The following DAPK2 variants were observed in gnomAD, a reference collection of about 807,000 sequenced individuals.
DAPK2 encodes the protein death associated protein kinase 2, also known as death-associated protein kinase 2.
A neutral mutation model predicts 44.1 loss-of-function variants in DAPK2; 35 were observed. The observed-to-expected ratio is 0.79, with a 90% confidence interval of 0.61 to 1.05. The LOEUF is 1.05. Ranked by LOEUF, DAPK2 falls within the 50% of genes least tolerant of loss-of-function variation. The pLI, the probability that DAPK2 is intolerant of heterozygous loss-of-function variation, is 0.00. For synonymous variants in DAPK2, 174 were observed against 182.6 expected, an observed-to-expected ratio of 0.95 and a Z score of 0.38; for missense variants, 453 against 483.2, an observed-to-expected ratio of 0.94 and a Z score of 0.59.
At chr15:64,038,839 G>T (rs2080281806) in intron 1 of DAPK2, among the ~76,000 whole-genome samples, 1 of 152,178 alleles carries the variant, frequency 6.6e-6, no homozygotes, top group African/African-American at 2.4e-5. Flanking sequence ...AAGTCAAGCT[G>T]GGAACTGCTT....
intron 3 of DAPK2, among the ~76,000 whole-genome samples, chr15:63,959,987 A>G (rs1307224024): frequency 6.6e-6 from 1 of 152,140 alleles, no homozygotes; most frequent in Non-Finnish European, 1.5e-5. Flanking sequence ...CTGGTCCTGG[A>G]CATTTTTTGG....
chr15:63,965,907 T>C (rs1303921471), intron 3 of DAPK2, among the ~76,000 whole-genome samples: 1 of 152,190 alleles, frequency 6.6e-6, no homozygotes, highest in Non-Finnish European at 1.5e-5. Context: ...AGCCAAGGCC[T>C]GAAATTGGAA....
rs1015085787 is a variant in DAPK2 at position 63,939,013 on chromosome 15, CA to C, written c.583+218del. The stretch of plus-strand genomic sequence containing the variant: ...AGCCCCACTGAGAGCCACTGGGCCC[CA>C]CTCAGCCCTTGCCTCACTGAGCACT... On this transcript the variant is annotated intron_variant, in intron 4 of 10. Transcript: ENST00000261891. The surrounding 1 kb of genome is among the most constrained non-coding windows in gnomAD (Gnocchi z 4.3). Among the ~76,000 whole-genome samples the C allele has an allele frequency of 5.3e-5, 8 of 152,294 alleles. No homozygotes were observed. Among genetic ancestry groups the C allele is most frequent in the Admixed American group, 3.3e-4 (5 of 15,298 alleles).
chr15:63,923,372 A>G lies in DAPK2; in HGVS notation c.858+1444T>C, dbSNP rs183666733. ...GTGGGTGTTCAGACAGAAGAATCAG[A>G]GTGTTAATTTGCCGCCCACCCCAGA... On this transcript the variant is annotated intron_variant, in intron 8 of 10. Coordinates refer to ENST00000261891, the Ensembl canonical transcript of DAPK2. This position sits in a 1 kb window ranked among gnomAD's most constrained non-coding sequence, Gnocchi z 4.2. 4.1e-5 allele frequency: 63 copies of G among 1,525,490 alleles called. No homozygotes were observed. The African/African-American group carries it at 8.0e-4, about 19-fold the overall frequency. 94.5% of individuals were successfully genotyped at this position (1,525,490 alleles called of 1,614,324 possible).
intron 8 of DAPK2, 84 bp downstream of exon 9, chr15:63,924,732 G>T: frequency 6.8e-7 from 1 of 1,471,660 alleles, no homozygotes; most frequent in Non-Finnish European, 9.5e-7. Context: ...CTCTCCATGG[G>T]CCCTCTGCAT....
Position 63,924,200 on chromosome 15 carries a change from C to A in DAPK2, c.858+616G>T, listed in dbSNP as rs550855134. Among the ~76,000 whole-genome samples, 18 of 152,284 alleles carry A rather than the reference C, an allele frequency of 1.2e-4. No homozygotes were observed. In the East Asian group the frequency reaches 3.5e-3, roughly 29 times the overall value. On this transcript the variant is annotated intron_variant, in intron 8 of 10. Coordinates refer to ENST00000261891, the Ensembl canonical transcript of DAPK2. ...ACAAGAGCCTCTGGAAAGCCAGCAG[C>A]TGACTGGAAAGCCAGCAGGAAGCCC...
At position 64,046,265 on chromosome 15, in the gene DAPK2, C is replaced by G. The variant is rs1312646534; in HGVS notation, c.-7+33G>C. On this transcript the variant is annotated intron_variant, in intron 1 of 11. Coordinates refer to the DAPK2 transcript ENST00000457488. This position sits in a 1 kb window ranked among gnomAD's most constrained non-coding sequence, Gnocchi z 5.3. ...TGCCGTCAGGCCGCGCGCCCCGTCC[C>G]GCCCATCGAGCCCGCAGACGGGTGC... 1 of 953,770 alleles carries G rather than the reference C, an allele frequency of 1.0e-6. No individual in the cohort carries two copies. The highest frequency in any genetic ancestry group is 1.2e-6 in the Non-Finnish European group (1 of 802,470). 59.1% of individuals were successfully genotyped at this position (953,770 alleles called of 1,614,324 possible).
At chr15:63,974,345 G>C (rs2140772550) in intron 2 of DAPK2, among the ~76,000 whole-genome samples, 1 of 152,236 alleles carries the variant, frequency 6.6e-6, no homozygotes, top group African/African-American at 2.4e-5. Flanking sequence ...AAGGTAGTTG[G>C]GTAACAGCTT....
chr15:63,979,939 CA>C (rs2078456324), intron 2 of DAPK2, among the ~76,000 whole-genome samples: 1 of 151,878 alleles, frequency 6.6e-6, no homozygotes, highest in African/African-American at 2.4e-5. Context: ...CAAACAAAAA[CA>C]AAAGCCCAGG....
chr15:63,930,572 T>C, intron 4 of DAPK2, 117 bp from the exon 6 acceptor site: 1 of 945,318 alleles, frequency 1.1e-6, no homozygotes, highest in Non-Finnish European at 1.7e-6. Context: ...CCAGGAAAAT[T>C]AGAGCAGCAG....
intron 1 of DAPK2, among the ~76,000 whole-genome samples, chr15:63,998,111 C>T (rs1204421681): frequency 6.6e-6 from 1 of 152,178 alleles, no homozygotes; most frequent in Non-Finnish European, 1.5e-5. Flanking sequence ...CAGCACAGAG[C>T]CTGACATATC....
chr15:63,918,638 G>C (rs1008176369), intron 8 of DAPK2: 1 of 152,398 alleles, frequency 6.6e-6, no homozygotes, highest in African/African-American at 2.4e-5. Context: ...GAGGTCAGGA[G>C]TTCGAGACCA....
intron 1 of DAPK2, among the ~76,000 whole-genome samples, chr15:64,032,508 T>G (rs917050792): frequency 6.6e-6 from 1 of 152,304 alleles, no homozygotes; most frequent in East Asian, 1.9e-4. Flanking sequence ...CGGCCATTAG[T>G]GCTGCTCGCC....
chr15:63,984,312 C>T (rs1045116491), intron 1 of DAPK2, among the ~76,000 whole-genome samples: 3 of 152,306 alleles, frequency 2.0e-5, no homozygotes, highest in Admixed American at 1.3e-4. Context: ...CAAAGCCAAG[C>T]CTCAAAGTCA....
intron 3 of DAPK2, among the ~76,000 whole-genome samples, chr15:63,954,550 T>C (rs2077671568): frequency 6.6e-6 from 1 of 152,202 alleles, no homozygotes; most frequent in Non-Finnish European, 1.5e-5. Flanking sequence ...GGTTACTATA[T>C]AGCTTTGTCA....
intron 4 of DAPK2, among the ~76,000 whole-genome samples, chr15:63,933,326 C>T (rs917809844): frequency 2.6e-5 from 4 of 152,282 alleles, no homozygotes; most frequent in South Asian, 2.1e-4. Flanking sequence ...TCATCGCAAC[C>T]TCCACCTCCT....
intron 8 of DAPK2, chr15:63,922,694 T>C (rs2079110613): frequency 1.4e-6 from 2 of 1,478,004 alleles, no homozygotes; most frequent in African/African-American, 1.4e-5. Flanking sequence ...AACATGCTTC[T>C]GCAAACCTCT....
At chr15:64,032,950 A>G (rs332235) in intron 1 of DAPK2, among the ~76,000 whole-genome samples, 125,142 of 151,928 alleles carry the variant, frequency 0.82, 51,842 homozygotes, top group East Asian at 0.92. Flanking sequence ...GCCGGGCATG[A>G]TCGTGCACAC....
chr15:63,983,396 C>T, intron 2 of DAPK2, 137 bp downstream of exon 3: 1 of 720,536 alleles, frequency 1.4e-6, no homozygotes, highest in South Asian at 1.8e-5. Context: ...GGGGATCTGC[C>T]CACCACTGAC....
Sources: gnomAD v4.1 joint callset for allele counts (sites outside exome capture counted in the v4.1 genomes callset) on GRCh38, gnomAD v4.1.1 for gene constraint, Gnocchi (gnomAD v3.1) non-coding constraint, MANE v1.5 for transcripts, NCBI Gene and HGNC (gene_info 2026-07-23, HGNC 2026-07-21) for gene names.